HEMGN: variants seen among roughly 807,000 people sequenced by gnomAD.
HEMGN encodes the protein erythroid differentiation-associated gene protein.
A neutral mutation model predicts 45.7 loss-of-function variants in HEMGN; 32 were observed. The observed-to-expected ratio is 0.70, with a 90% CI of 0.53 to 0.94. The LOEUF (loss-of-function observed/expected upper bound fraction) is 0.94. HEMGN is among the 40% of genes least tolerant of loss of function. The probability of loss-of-function intolerance (pLI) is 0.00; values close to 1 mark genes in which losing one functional copy is unlikely to be tolerated. For missense variants in HEMGN, 530 were observed against 564.2 expected, an observed-to-expected ratio of 0.94 and a Z score of 0.61; for synonymous variants, 183 against 178.6, an observed-to-expected ratio of 1.02 and a Z score of -0.20.
In HEMGN at chr9:97,936,279, A is replaced by G. The variant is rs1453133470; in HGVS notation, c.80-15T>C. On this transcript the variant is annotated splice_polypyrimidine_tract_variant and intron_variant, in intron 1 of 3. Transcript: ENST00000616898. ...TCCAATGACTTCTGTAATAAAATGA[A>G]AGTGATTAGAAAAAGTGATGAACTG... 6.5e-7 allele frequency: 1 copy of G among 1,544,626 alleles called. No homozygotes were observed. The highest frequency in any genetic ancestry group is 1.4e-5 in the African/African-American group (1 of 73,756).
At chr9:97,942,274 CTTTTTTTTTT>C (rs56055830), upstream of HEMGN, among the ~76,000 whole-genome samples, 7 of 128,188 alleles carry the variant, frequency 5.5e-5, no homozygotes, top group African/African-American at 1.4e-4. Context: ...CTAATTCCTT[CTTTTTTTTTT>C]TTTTTTTTTT....
Position 97,930,835 on chromosome 9 carries a change from G to T in HEMGN, c.560C>A (p.Ser187Tyr). ...YQEISVLQDN[S>Y]SKICQDMKEP... ...CTTCATGTCTTGGCATATTTTGGAA[G>T]AATTGTCTTGAAGTACAGATATTTC... is the stretch of plus-strand genomic sequence containing the variant. Residue 187 changes from serine to tyrosine, a missense_variant, in exon 3 of 4, where the codon TCT becomes TAT. Ser to Tyr is a moderately radical substitution (Grantham distance 144, BLOSUM62 -2). Coordinates refer to ENST00000616898, the MANE Select transcript of HEMGN (RefSeq NM_197978.3). 1 of 1,614,160 alleles carries T rather than the reference G, an allele frequency of 6.2e-7. No homozygotes were observed. Among genetic ancestry groups the T allele is most frequent in the Non-Finnish European group, 8.5e-7 (1 of 1,180,010 alleles).
At chr9:97,932,817 A>AC (rs1478865946) in intron 2 of HEMGN, among the ~76,000 whole-genome samples, 1 of 152,016 alleles carries the variant, frequency 6.6e-6, no homozygotes, top group East Asian at 1.9e-4. Context: ...AAAAAAAAAA[A>AC]AAAGGAAATC....
intron 3 of HEMGN, 26 bp downstream of exon 3, chr9:97,930,009 A>G (rs1826910267): frequency 6.4e-7 from 1 of 1,550,672 alleles, no homozygotes; most frequent in Admixed American, 1.7e-5. Context: ...AGATGTACCT[A>G]CCTTGGTGCT....
chr9:97,930,014 G>T, intron 3 of HEMGN, 21 bp downstream of exon 3: 1 of 1,564,628 alleles, frequency 6.4e-7, no homozygotes, highest in Non-Finnish European at 8.8e-7. Flanking sequence ...TACCTACCTT[G>T]GTGCTATAAA....
At chr9:97,937,594 T>A (rs1827085844) in intron 1 of HEMGN, among the ~76,000 whole-genome samples, 2 of 152,086 alleles carry the variant, frequency 1.3e-5, no homozygotes, top group Non-Finnish European at 2.9e-5. Flanking sequence ...ATTATTCCCT[T>A]TCTAGTCTTA....
At position 97,931,209 on chromosome 9, in the gene HEMGN, T is replaced by C. The variant is rs759840748; in HGVS notation, c.186A>G (p.Lys62=). The change falls in exon 3 of 4, where the codon AAA becomes AAG. Residue 62 remains lysine, a synonymous_variant. Transcript: ENST00000616898. ...TSQWLFGEQK[K]RKQQRTGKGN... ...CTTTTCCTGTTCTCTGCTGCTTGCGTTTTTTCTGTTCTCTGCAGAAAGAAC... is the reference window on the plus strand; with the variant it reads ...CTTTTCCTGTTCTCTGCTGCTTGCGCTTTTTCTGTTCTCTGCAGAAAGAAC... 7.5e-6 allele frequency: 12 copies of C among 1,601,300 alleles called. No homozygotes were observed. In the East Asian group the frequency reaches 2.2e-4, roughly 30 times the overall value.
chr9:97,933,313 C>G (rs545818142), intron 2 of HEMGN, among the ~76,000 whole-genome samples: 7 of 152,104 alleles, frequency 4.6e-5, no homozygotes, highest in African/African-American at 1.7e-4. Flanking sequence ...TGTCAGGCAC[C>G]GTTTAAATAA....
Position 97,930,722 on chromosome 9 carries a change from G to A in HEMGN, c.673C>T (p.Arg225Ter), listed in dbSNP as rs754061719. ...PFKMYQDMAK[R>*]EDLAPKMCQE... ...CACATTTTAGGAGCCAGATCTTCTCGTTTAGCCATATCTTGGTACATTTTG... is the reference window on the plus strand; with the variant it reads ...CACATTTTAGGAGCCAGATCTTCTCATTTAGCCATATCTTGGTACATTTTG... The change falls in exon 3 of 4, where the codon CGA becomes TGA. Residue 225 changes from arginine to a stop codon, truncating the protein, a stop_gained. Transcript: ENST00000616898. LOFTEE classifies it high-confidence loss of function. The A allele has an allele frequency of 2.8e-5, 45 of 1,614,044 alleles. No individual in the cohort carries two copies. The highest frequency in any genetic ancestry group is 1.2e-4 in the South Asian group (11 of 91,086).
upstream of HEMGN, among the ~76,000 whole-genome samples, chr9:97,938,609 A>G (rs1031659573): frequency 1.3e-5 from 2 of 152,200 alleles, no homozygotes; most frequent in African/African-American, 4.8e-5. Flanking sequence ...AAATGGGTAA[A>G]TAATTCCTGT....
upstream of HEMGN, among the ~76,000 whole-genome samples, chr9:97,942,274 C>CTTTTTTTTTTTTTTTTTTTT (rs56055830): frequency 7.8e-6 from 1 of 128,188 alleles, no homozygotes. Context: ...CTAATTCCTT[C>CTTTTTTTTTTTTTTTTTTTT]TTTTTTTTTT....
intron 1 of HEMGN, among the ~76,000 whole-genome samples, chr9:97,937,123 T>A (rs1204633769): frequency 6.6e-6 from 1 of 152,184 alleles, no homozygotes; most frequent in African/African-American, 2.4e-5. Context: ...AAATTATATC[T>A]TTATTTTTAC....
At chr9:97,937,276 G>A (rs1056062487) in intron 1 of HEMGN, among the ~76,000 whole-genome samples, 2 of 151,856 alleles carry the variant, frequency 1.3e-5, no homozygotes, top group Non-Finnish European at 2.9e-5. Context: ...TTGTTACATA[G>A]GTATACATGT....
Position 97,931,085 on chromosome 9 carries a change from T to C in HEMGN, c.310A>G (p.Ile104Val), listed in dbSNP as rs1399223165. The change falls in exon 3 of 4, where the codon ATA (isoleucine) becomes GTA (valine). Residue 104 changes from isoleucine (I) to valine (V), a missense_variant. By Grantham distance (29) the Ile-to-Val change is conservative. Transcript: ENST00000616898. ...KEIVEKALAP[I>V]EKKTEPPGSI... ...CCAGGTGGCTCAGTTTTTTTCTCTATAGGTGCCAGTGCTTTCTCCACTATT... is the reference window on the plus strand; with the variant it reads ...CCAGGTGGCTCAGTTTTTTTCTCTACAGGTGCCAGTGCTTTCTCCACTATT... 2.5e-6 allele frequency: 4 copies of C among 1,614,164 alleles called. No individual in the cohort carries two copies. The East Asian group carries it at 6.7e-5, about 27-fold the overall frequency.
upstream of HEMGN, among the ~76,000 whole-genome samples, chr9:97,941,997 T>G (rs887632653): frequency 6.6e-6 from 1 of 152,198 alleles, no homozygotes; most frequent in Admixed American, 6.5e-5. Flanking sequence ...ATATAATTTT[T>G]GGGGGACCCA....
At chr9:97,939,973 CT>C (rs1208118271), upstream of HEMGN, among the ~76,000 whole-genome samples, 1 of 152,140 alleles carries the variant, frequency 6.6e-6, no homozygotes, top group African/African-American at 2.4e-5. Context: ...CTCAAACTAA[CT>C]TTAAAAATTA....
intron 1 of HEMGN, among the ~76,000 whole-genome samples, chr9:97,944,137 C>T (rs182160580): frequency 6.6e-6 from 1 of 152,320 alleles, no homozygotes; most frequent in Admixed American, 6.5e-5. Context: ...TAGCTACTAC[C>T]TCTTTGCAGA....
At chr9:97,929,857 T>C (rs1826907209) in intron 3 of HEMGN, among the ~76,000 whole-genome samples, 178 bp downstream of exon 3, 1 of 152,252 alleles carries the variant, frequency 6.6e-6, no homozygotes, top group South Asian at 2.1e-4. Context: ...TTTTTTTAAC[T>C]CTTTGAAATA....
upstream of HEMGN, among the ~76,000 whole-genome samples, chr9:97,941,691 G>T (rs1827154597): frequency 6.6e-6 from 1 of 152,174 alleles, no homozygotes; most frequent in South Asian, 2.1e-4. Context: ...GGAGAAGCAG[G>T]CTTGGAGGAG....
Sources: gnomAD v4.1 joint callset for allele counts (sites outside exome capture counted in the v4.1 genomes callset) on GRCh38, gnomAD v4.1.1 for gene constraint, MANE v1.5 for transcripts, NCBI Gene and HGNC (gene_info 2026-07-23, HGNC 2026-07-21) for gene names.